The following ITPKB variants were observed in gnomAD, a reference collection of about 807,000 sequenced individuals.
ITPKB encodes the protein IP3 3-kinase B.
ITPKB carries 13 observed loss-of-function variants against 69.4 expected under a neutral mutation model. The observed-to-expected ratio is 0.19, with a 90% confidence interval of 0.12 to 0.30. The LOEUF (loss-of-function observed/expected upper bound fraction) is 0.30, where lower values mean the gene tolerates loss of function less well. ITPKB is among the 10% of genes least tolerant of loss of function. The probability of loss-of-function intolerance (pLI) is 1.00; values close to 1 mark genes in which losing one functional copy is unlikely to be tolerated. For synonymous variants in ITPKB, 584 were observed against 513.7 expected, an observed-to-expected ratio of 1.14 and a Z score of -1.85; for missense variants, 1,240 against 1,250.5, an observed-to-expected ratio of 0.99 and a Z score of 0.13.
intron 2 of ITPKB, among the ~76,000 whole-genome samples, chr1:226,671,174 A>C (rs1669608793): frequency 6.6e-6 from 1 of 152,308 alleles, no homozygotes; most frequent in Non-Finnish European, 1.5e-5. Flanking sequence ...GGATCTCTAG[A>C]AGCCCAGGAA....
chr1:226,674,331 TG>T (rs1279915978), intron 2 of ITPKB, among the ~76,000 whole-genome samples: 1 of 152,106 alleles, frequency 6.6e-6, no homozygotes, highest in African/African-American at 2.4e-5. Flanking sequence ...TCCGAGTAGC[TG>T]GGATTACAGG....
intron 2 of ITPKB, among the ~76,000 whole-genome samples, chr1:226,670,748 G>A (rs1431881553): frequency 6.6e-6 from 1 of 152,170 alleles, no homozygotes; most frequent in Non-Finnish European, 1.5e-5. Flanking sequence ...TCATTTCTCA[G>A]TTATTATATT....
At position 226,708,514 on chromosome 1, in the gene ITPKB, G is replaced by A. The variant is rs539201544; in HGVS notation, c.1932+27013C>T. Among the ~76,000 whole-genome samples the A allele has an allele frequency of 1.7e-3, 263 of 152,332 alleles. 2 individuals carry two copies. Among genetic ancestry groups the A allele is most frequent in the African/African-American group, 5.9e-3 (245 of 41,572 alleles). Reference sequence around the variant, plus strand: ...ATGAGACACAGGGGATATCTGCTGGGAGCCTTCTGAAAAAGATGTCTCGGC... The same window carrying A: ...ATGAGACACAGGGGATATCTGCTGGAAGCCTTCTGAAAAAGATGTCTCGGC... On this transcript the variant is annotated intron_variant, in intron 2 of 7. Transcript: ENST00000429204.
intron 4 of ITPKB, among the ~76,000 whole-genome samples, chr1:226,646,094 C>T (rs1464089262): frequency 5.9e-5 from 9 of 152,352 alleles, no homozygotes; most frequent in African/African-American, 1.4e-4. Context: ...AGAAATAATC[C>T]GGTTAAACCA....
chr1:226,637,647 TCTGC>T lies in ITPKB; in HGVS notation c.2625+28_2625+31del. On this transcript the variant is annotated intron_variant, in intron 7 of 7. Coordinates refer to ENST00000429204, the MANE Select transcript of ITPKB (RefSeq NM_002221.4). This position sits in a 1 kb window ranked among gnomAD's most constrained non-coding sequence, Gnocchi z 4.3. ...GAAGGCCTGTTGGCACGCGCAGCAT[TCTGC>T]TCAAGAGGGCAAAAGCCCAGTATCT... 1 of 1,552,754 alleles carries T rather than the reference TCTGC, an allele frequency of 6.4e-7. No homozygotes were observed. The highest frequency in any genetic ancestry group is 8.9e-7 in the Non-Finnish European group (1 of 1,124,678).
intron 2 of ITPKB, among the ~76,000 whole-genome samples, chr1:226,700,480 A>C (rs1221156169): frequency 6.6e-5 from 10 of 150,622 alleles, no homozygotes; most frequent in South Asian, 2.1e-4. Flanking sequence ...AAAAAAAAAA[A>C]AAAAAAAAAA....
At chr1:226,721,726 C>T (rs1657248343) in intron 2 of ITPKB, among the ~76,000 whole-genome samples, 1 of 151,814 alleles carries the variant, frequency 6.6e-6, no homozygotes, top group Non-Finnish European at 1.5e-5. Flanking sequence ...AACTCCTGAC[C>T]TCAGGTGATC....
chr1:226,649,624 G>C (rs1214356053), intron 2 of ITPKB, among the ~76,000 whole-genome samples: 2 of 152,210 alleles, frequency 1.3e-5, no homozygotes, highest in Non-Finnish European at 2.9e-5. Context: ...GGGAGAGCAG[G>C]CCCTTTGGGC....
chr1:226,666,894 C>T (rs1669514019), intron 2 of ITPKB, among the ~76,000 whole-genome samples: 1 of 152,228 alleles, frequency 6.6e-6, no homozygotes, highest in South Asian at 2.1e-4. Context: ...GGGCTCTCGC[C>T]TCTCCCCACC....
rs58320585 is a variant in ITPKB, at chr1:226,700,465, C to CAAAA, written c.1932+35058_1932+35061dup. 6.7e-4 allele frequency among the ~76,000 whole-genome samples: 36 copies of CAAAA among 53,958 alleles called. 1 individual carries two copies. Among genetic ancestry groups the CAAAA allele is most frequent in the African/African-American group, 2.9e-3 (34 of 11,670 alleles). 35.4% of individuals were successfully genotyped at this position (53,958 alleles called of 152,430 possible). On this transcript the variant is annotated intron_variant, in intron 2 of 7. Coordinates refer to ENST00000429204, the MANE Select transcript of ITPKB (RefSeq NM_002221.4). Reference sequence around the variant, plus strand: ...GCCTGGCAACGGAGCAAGACTCCGTCAAAAAAAAAAAAAAAAAAAAAAAAA... The same window carrying CAAAA: ...GCCTGGCAACGGAGCAAGACTCCGTCAAAAAAAAAAAAAAAAAAAAAAAAAAAAA...
chr1:226,636,432 C>T (rs1028902400), intron 7 of ITPKB, among the ~76,000 whole-genome samples: 1 of 152,224 alleles, frequency 6.6e-6, no homozygotes, highest in Non-Finnish European at 1.5e-5. Context: ...CCAGGCGCCC[C>T]GCAGGGAATG....
At chr1:226,735,226 G>T (rs1370125471) in intron 2 of ITPKB, among the ~76,000 whole-genome samples, 2 of 152,212 alleles carry the variant, frequency 1.3e-5, no homozygotes, top group African/African-American at 2.4e-5. Context: ...TGACATTTAT[G>T]AATATTATTT....
intron 2 of ITPKB, among the ~76,000 whole-genome samples, chr1:226,678,480 G>T (rs1026654435): frequency 6.6e-6 from 1 of 152,250 alleles, no homozygotes; most frequent in Non-Finnish European, 1.5e-5. Context: ...TAGTCTAGTG[G>T]TTAGGAACAT....
At chr1:226,636,538 T>C (rs1183120953) in intron 7 of ITPKB, among the ~76,000 whole-genome samples, 2 of 152,224 alleles carry the variant, frequency 1.3e-5, no homozygotes, top group African/African-American at 2.4e-5. Flanking sequence ...GGGCTGACCC[T>C]ATGAGTTCCT....
At chr1:226,673,756 T>C (rs1020478485) in intron 2 of ITPKB, among the ~76,000 whole-genome samples, 9 of 152,256 alleles carry the variant, frequency 5.9e-5, no homozygotes, top group Admixed American at 1.3e-4. Flanking sequence ...TTCGGCTTTA[T>C]TATCTATCTC....
chr1:226,702,555 A>G (rs1041861149), intron 2 of ITPKB, among the ~76,000 whole-genome samples: 2 of 152,254 alleles, frequency 1.3e-5, no homozygotes, highest in African/African-American at 4.8e-5. Context: ...AACTGGCACT[A>G]GGCCTAGAGA....
chr1:226,699,553 G>A (rs1401696702), intron 2 of ITPKB, among the ~76,000 whole-genome samples: 1 of 152,104 alleles, frequency 6.6e-6, no homozygotes, highest in Admixed American at 6.5e-5. Context: ...TACCTCACAG[G>A]GTCATTAGGA....
intron 2 of ITPKB, among the ~76,000 whole-genome samples, chr1:226,689,528 A>G (rs566696488): frequency 8.2e-4 from 123 of 150,674 alleles, no homozygotes; most frequent in Middle Eastern, 3.4e-3. Flanking sequence ...AAAGGAGGAG[A>G]AGGTTTTTGT....
rs570250908 is a variant in ITPKB at position 226,641,694 on chromosome 1, C to G, written c.2451+227G>C. On this transcript the variant is annotated intron_variant, in intron 5 of 7. Transcript: ENST00000429204. This position sits in a 1 kb window ranked among gnomAD's most constrained non-coding sequence, Gnocchi z 4.6. ...AGAGTCCTCGGCAGAGGGCTGACAGCTGGGCAGGGCTAGAAGCCACTCTGC... is the reference window on the plus strand; with the variant it reads ...AGAGTCCTCGGCAGAGGGCTGACAGGTGGGCAGGGCTAGAAGCCACTCTGC... Among the ~76,000 whole-genome samples, 4 of 152,390 alleles carry G rather than the reference C, an allele frequency of 2.6e-5. No individual in the cohort carries two copies. In the East Asian group the frequency reaches 7.7e-4, roughly 29 times the overall value.
Sources: allele counts gnomAD v4.1 joint callset (sites outside exome capture counted in the v4.1 genomes callset), GRCh38; gene constraint gnomAD v4.1.1; non-coding constraint Gnocchi (gnomAD v3.1); transcripts MANE v1.5; gene names NCBI Gene and HGNC (gene_info 2026-07-23, HGNC 2026-07-21).